The following COL5A3 variants were observed in gnomAD, a reference collection of about 807,000 sequenced individuals.
COL5A3 encodes the protein collagen type V alpha 3 chain.
A neutral mutation model predicts 250.0 loss-of-function variants in COL5A3; 172 were observed. The ratio of observed to expected loss-of-function variants is 0.69; its 90% confidence interval spans 0.61 to 0.78. The LOEUF is 0.78. Ranked by LOEUF, COL5A3 falls within the 30% of genes least tolerant of loss-of-function variation. COL5A3 has a pLI of 0.00. For missense variants in COL5A3, 2,340 were observed against 2,334.4 expected, an observed-to-expected ratio of 1.00 and a Z score of -0.05; for synonymous variants, 937 against 900.4, an observed-to-expected ratio of 1.04 and a Z score of -0.73.
rs113813105 is a variant in COL5A3 at position 9,991,775 on chromosome 19, A to G, written c.1947+13T>C. 2,510 of 1,601,800 alleles carry G rather than the reference A, an allele frequency of 1.6e-3. 1 individual carries two copies. The highest frequency in any genetic ancestry group is 1.9e-3 in the Non-Finnish European group (2,242 of 1,173,830). On this transcript the variant is annotated intron_variant, in intron 23 of 66. Coordinates refer to ENST00000264828, the MANE Select transcript of COL5A3 (RefSeq NM_015719.4). ...CACTCCCATGCCCCATTATTGGGAAAGACAGTTCAAACCTGGGACCCATGG... is the reference window on the plus strand; with the variant it reads ...CACTCCCATGCCCCATTATTGGGAAGGACAGTTCAAACCTGGGACCCATGG...
At chr19:10,005,218 G>T (rs948330160) in intron 4 of COL5A3, among the ~76,000 whole-genome samples, 2 of 152,096 alleles carry the variant, frequency 1.3e-5, no homozygotes, top group Admixed American at 1.3e-4. Flanking sequence ...TTAGCTGGGC[G>T]TGGTGGCACA....
rs774814652 is a variant in COL5A3 at position 10,005,884 on chromosome 19, G to T, written c.349C>A (p.Gln117Lys). 1 of 1,613,926 alleles carries T rather than the reference G, an allele frequency of 6.2e-7. No homozygotes were observed. Among genetic ancestry groups the T allele is most frequent in the Non-Finnish European group, 8.5e-7 (1 of 1,180,012 alleles). Residue 117 changes from glutamine (Q) to lysine (K), a missense_variant, in exon 3 of 67, where the codon CAG becomes AAG. By Grantham distance (53) the Gln-to-Lys change is moderately conservative (BLOSUM62 1). Around this residue, in one of 3 missense-constraint regions of COL5A3, gnomAD observed 1,152 missense variants for 1,146.3 expected, o/e 1.00. Coordinates refer to ENST00000264828, the MANE Select transcript of COL5A3 (RefSeq NM_015719.4). ...GCTGGCCCCAGTGCCAGGCCCAACT[G>T]CCGGGCACCCCTTTCATCATAAATG... ...LSIYDERGARQLGLALGPALG... is the reference protein window; with the variant it reads ...LSIYDERGARKLGLALGPALG...
At position 10,001,508 on chromosome 19, in the gene COL5A3, C is replaced by A; in HGVS notation, c.1110+16G>T. On this transcript the variant is annotated intron_variant, in intron 8 of 66. Coordinates refer to ENST00000264828, the MANE Select transcript of COL5A3 (RefSeq NM_015719.4). ...CCCACTCTCTTGCACCTAACCCCAG[C>A]CACCTAGAAACTCACAGGAAAGATC... is the stretch of plus-strand genomic sequence containing the variant. 1 of 1,612,362 alleles carries A rather than the reference C, an allele frequency of 6.2e-7. No individual in the cohort carries two copies. The highest frequency in any genetic ancestry group is 8.5e-7 in the Non-Finnish European group (1 of 1,179,374).
rs1406644175 is a variant in COL5A3, at chr19:9,979,900, A to T, written c.2659-8T>A. 6.4e-7 allele frequency: 1 copy of T among 1,569,934 alleles called. No homozygotes were observed. Among genetic ancestry groups the T allele is most frequent in the Non-Finnish European group, 8.6e-7 (1 of 1,165,372 alleles). On this transcript the variant is annotated splice_polypyrimidine_tract_variant and splice_region_variant and intron_variant, in intron 36 of 66. Coordinates refer to ENST00000264828, the MANE Select transcript of COL5A3 (RefSeq NM_015719.4). ...ATCTTTACCTTGGTGACCCTGGGGG[A>T]TGAGGTGGGAAAAAGTTGGGGCACA... is the stretch of plus-strand genomic sequence containing the variant.
chr19:10,006,045 G>A (rs1268523464), intron 2 of COL5A3, 28 bp downstream of exon 2: 21 of 1,611,804 alleles, frequency 1.3e-5, no homozygotes, highest in Non-Finnish European at 1.6e-5. Flanking sequence ...CCTCCGGGGA[G>A]GTACCCAGGC....
chr19:9,988,349 T>C (rs1048753602), intron 27 of COL5A3, among the ~76,000 whole-genome samples: 4 of 152,376 alleles, frequency 2.6e-5, no homozygotes, highest in African/African-American at 9.6e-5. Context: ...TCCTTGATTA[T>C]AGTGTGTCTA....
In COL5A3 at chr19:9,997,408, G is replaced by A; in HGVS notation, c.1226C>T (p.Pro409Leu). ...GTCGCCAGGGAATCCTGGGGGGCCG[G>A]GAGGGCCTGAGGGGCCAACCACCCC... ...PQGVVGPSGP[P>L]GPPGFPGDPG... The change falls in exon 11 of 67, where the codon CCC becomes CTC. Residue 409 changes from proline (P) to leucine (L), a missense_variant. Pro to Leu is a moderately conservative substitution (Grantham distance 98, BLOSUM62 -3). Coordinates refer to ENST00000264828, the MANE Select transcript of COL5A3 (RefSeq NM_015719.4). 1 of 1,610,070 alleles carries A rather than the reference G, an allele frequency of 6.2e-7. No individual in the cohort carries two copies. The highest frequency in any genetic ancestry group is 1.3e-5 in the African/African-American group (1 of 75,000).
chr19:9,985,655 C>T (rs1290767798), intron 31 of COL5A3, among the ~76,000 whole-genome samples, 187 bp downstream of exon 31: 4 of 152,188 alleles, frequency 2.6e-5, no homozygotes, highest in Admixed American at 2.6e-4. Context: ...ATCCTCTCAC[C>T]TCAGCCTCTC....
At position 10,001,508 on chromosome 19, in the gene COL5A3, C is replaced by CT; in HGVS notation, c.1110+15_1110+16insA. ...CCCACTCTCTTGCACCTAACCCCAG[C>CT]CACCTAGAAACTCACAGGAAAGATC... On this transcript the variant is annotated intron_variant, in intron 8 of 66. Transcript: ENST00000264828. 6.2e-7 allele frequency: 1 copy of CT among 1,612,364 alleles called. No homozygotes were observed. The highest frequency in any genetic ancestry group is 1.7e-4 in the Middle Eastern group (1 of 6,036).
chr19:10,009,176 G>A lies in COL5A3; in HGVS notation c.88+1122C>T, dbSNP rs879808825. Among the ~76,000 whole-genome samples the A allele has an allele frequency of 2.6e-3, 392 of 151,328 alleles. No individual in the cohort carries two copies. Among genetic ancestry groups the A allele is most frequent in the Non-Finnish European group, 4.3e-3 (290 of 67,716 alleles). ...AGTGTGCTGTGGTGTGTGTGTGTGT[G>A]TGTGTGTGTGTGTGTGTGTGTGTGT... is the stretch of plus-strand genomic sequence containing the variant. On this transcript the variant is annotated intron_variant, in intron 1 of 66. Transcript: ENST00000264828. The surrounding 1 kb of genome is among the most constrained non-coding windows in gnomAD (Gnocchi z 4.4).
At chr19:9,972,750 C>T (rs1260128098) in intron 51 of COL5A3, among the ~76,000 whole-genome samples, 169 bp downstream of exon 51, 2 of 151,978 alleles carry the variant, frequency 1.3e-5, no homozygotes, top group Non-Finnish European at 2.9e-5. Flanking sequence ...GCAGAAGAAT[C>T]GCTTGAACCC....
At chr19:9,999,390 G>T (rs1346082598) in intron 8 of COL5A3, among the ~76,000 whole-genome samples, 1 of 150,604 alleles carries the variant, frequency 6.6e-6, no homozygotes, top group Non-Finnish European at 1.5e-5. Flanking sequence ...TAGAGACAGG[G>T]TCTTGCTATG....
intron 6 of COL5A3, 63 bp from the exon 7 acceptor site, chr19:10,001,944 A>T: frequency 8.6e-7 from 1 of 1,166,226 alleles, no homozygotes; most frequent in Non-Finnish European, 1.3e-6. Context: ...AAAGGGAGGC[A>T]CCCTCCCACT....
chr19:10,000,609 T>C (rs1946249), intron 8 of COL5A3, among the ~76,000 whole-genome samples: 68,956 of 151,152 alleles, frequency 0.46, 16,816 homozygotes, highest in African/African-American at 0.64. Flanking sequence ...AGGGGGAGCT[T>C]TTAAAGCTCC....
intron 11 of COL5A3, chr19:9,997,124 G>T: frequency 1.7e-6 from 1 of 583,782 alleles, no homozygotes; most frequent in East Asian, 2.9e-5. Context: ...ACAGGAGAAA[G>T]ACAGAGATAA....
intron 6 of COL5A3, among the ~76,000 whole-genome samples, chr19:10,003,119 C>T (rs866981785): frequency 6.6e-6 from 1 of 152,164 alleles, no homozygotes; most frequent in Non-Finnish European, 1.5e-5. Flanking sequence ...CAATTAATGA[C>T]TCTCCCAATG....
intron 24 of COL5A3, among the ~76,000 whole-genome samples, chr19:9,989,837 A>G (rs2087159950): frequency 2.6e-5 from 4 of 152,062 alleles, no homozygotes; most frequent in Admixed American, 2.6e-4. Flanking sequence ...GCATGATCTC[A>G]GCTCACTGCA....
chr19:9,996,524 G>C lies in COL5A3; in HGVS notation c.1339-8C>G. On this transcript the variant is annotated splice_polypyrimidine_tract_variant and splice_region_variant and intron_variant, in intron 12 of 66. Transcript: ENST00000264828. Reference sequence around the variant, plus strand: ...GCCGCCTGCAAACTGGAACTGGGAGGAATTTAGTGGTGAGGGAAGCCCCCA... The same window carrying C: ...GCCGCCTGCAAACTGGAACTGGGAGCAATTTAGTGGTGAGGGAAGCCCCCA... 1.9e-6 allele frequency: 3 copies of C among 1,614,084 alleles called. No individual in the cohort carries two copies. Among genetic ancestry groups the C allele is most frequent in the Admixed American group, 1.7e-5 (1 of 60,000 alleles).
chr19:9,989,761 T>C (rs1024888036), intron 24 of COL5A3, among the ~76,000 whole-genome samples: 10 of 152,150 alleles, frequency 6.6e-5, no homozygotes, highest in African/African-American at 2.4e-4. Flanking sequence ...ATAAAAACAG[T>C]ACAAGATTGA....
Sources: gnomAD v4.1 joint callset for allele counts (sites outside exome capture counted in the v4.1 genomes callset) on GRCh38, gnomAD v4.1.1 for gene constraint, gnomAD v4.1.1 regional missense constraint, Gnocchi (gnomAD v3.1) non-coding constraint, MANE v1.5 for transcripts, NCBI Gene and HGNC (gene_info 2026-07-23, HGNC 2026-07-21) for gene names.